CELF4: variants seen among roughly 807,000 people sequenced by gnomAD.
CELF4 encodes CUG-BP- and ETR-3-like factor 4.
CELF4 carries 18 observed loss-of-function variants against 59.9 expected under a neutral mutation model. The observed-to-expected ratio is 0.30, with a 90% CI of 0.21 to 0.45. The LOEUF is 0.45. Ranked by LOEUF, CELF4 falls within the 20% of genes least tolerant of loss-of-function variation. The pLI, the probability that CELF4 is intolerant of heterozygous loss-of-function variation, is 1.00. For synonymous variants in CELF4, 261 were observed against 267.1 expected (o/e 0.98, Z 0.22); for missense variants, 456 against 689.0 (o/e 0.66, Z 3.79).
chr18:37,476,526 C>T (rs180849072), intron 2 of CELF4, among the ~76,000 whole-genome samples: 1 of 152,322 alleles, frequency 6.6e-6, no homozygotes, highest in Non-Finnish European at 1.5e-5. Context: ...CAGCCGTTTT[C>T]ATGAGGAATT....
chr18:37,274,187 G>T, intron 6 of CELF4, 124 bp downstream of exon 6: 1 of 1,509,470 alleles, frequency 6.6e-7, no homozygotes. Flanking sequence ...TTCATTCCCG[G>T]CCCCTCCTCA....
intron 1 of CELF4, among the ~76,000 whole-genome samples, chr18:37,518,951 G>A (rs1035716171): frequency 8.5e-5 from 13 of 152,212 alleles, no homozygotes; most frequent in African/African-American, 3.1e-4. Flanking sequence ...GGTACAGGGG[G>A]TTGTCCAAGC....
chr18:37,420,623 T>C (rs985130955), intron 2 of CELF4, among the ~76,000 whole-genome samples: 1 of 152,160 alleles, frequency 6.6e-6, no homozygotes, highest in African/African-American at 2.4e-5. Context: ...GTGCAGGTGC[T>C]TGCAGGATAG....
At chr18:37,531,443 AC>A (rs2099969526) in intron 1 of CELF4, among the ~76,000 whole-genome samples, 1 of 152,128 alleles carries the variant, frequency 6.6e-6, no homozygotes, top group Non-Finnish European at 1.5e-5. Flanking sequence ...CACGGGGAAA[AC>A]AAAAATAGCA....
At chr18:37,292,135 T>C (rs930162785) in intron 3 of CELF4, among the ~76,000 whole-genome samples, 2 of 151,838 alleles carry the variant, frequency 1.3e-5, no homozygotes, top group Non-Finnish European at 2.9e-5. Context: ...GCTGGCATCT[T>C]AATCTTGGAC....
At chr18:37,526,057 A>T (rs534777987) in intron 1 of CELF4, among the ~76,000 whole-genome samples, 49 of 152,288 alleles carry the variant, frequency 3.2e-4, no homozygotes, top group African/African-American at 1.2e-3. Context: ...CACTGACCTC[A>T]ATTATCCCTG....
intron 2 of CELF4, among the ~76,000 whole-genome samples, 185 bp downstream of exon 2, chr18:37,485,340 C>G (rs1303918296): frequency 6.6e-6 from 1 of 151,748 alleles, no homozygotes; most frequent in Non-Finnish European, 1.5e-5. Flanking sequence ...GGCCCCTGTC[C>G]CGGATCCCGT....
At chr18:37,532,216 C>T (rs112717013) in intron 1 of CELF4, among the ~76,000 whole-genome samples, 2 of 152,338 alleles carry the variant, frequency 1.3e-5, no homozygotes, top group African/African-American at 4.8e-5. Flanking sequence ...AGGCCAAGAT[C>T]GAAGGACACC....
rs531326217 is a variant in CELF4, at chr18:37,289,186, C to T, written c.449-13943G>A. On this transcript the variant is annotated intron_variant, in intron 3 of 12. Transcript: ENST00000420428. ...ATCGTGGGGTGAGAAGGGATGGGGG[C>T]TGGCAGAGGGGGCAGTACACGGTGG... Among the ~76,000 whole-genome samples, 24 of 151,490 alleles carry T rather than the reference C, an allele frequency of 1.6e-4. No individual in the cohort carries two copies. In the East Asian group the frequency reaches 4.5e-3, roughly 28 times the overall value.
chr18:37,364,139 C>T (rs376195599), intron 2 of CELF4, among the ~76,000 whole-genome samples: 53 of 152,316 alleles, frequency 3.5e-4, no homozygotes, highest in South Asian at 8.3e-4. Context: ...CAATGAGGCA[C>T]GATGGGAGCT....
At position 37,503,001 on chromosome 18, in the gene CELF4, G is replaced by A. The variant is rs147348566; in HGVS notation, c.287-17394C>T. Among the ~76,000 whole-genome samples the A allele has an allele frequency of 2.0e-4, 31 of 152,312 alleles. No homozygotes were observed. The East Asian group carries it at 2.3e-3, about 11-fold the overall frequency. On this transcript the variant is annotated intron_variant, in intron 1 of 12. Coordinates refer to ENST00000420428, the MANE Select transcript of CELF4 (RefSeq NM_020180.4). Reference sequence around the variant, plus strand: ...GGACAGAGCCTCACAGTACCAGGTCGGGTGGGTGCATCATCACACATCTGT... The same window carrying A: ...GGACAGAGCCTCACAGTACCAGGTCAGGTGGGTGCATCATCACACATCTGT...
intron 3 of CELF4, among the ~76,000 whole-genome samples, chr18:37,283,471 G>A (rs1232747238): frequency 6.6e-6 from 1 of 152,128 alleles, no homozygotes; most frequent in Non-Finnish European, 1.5e-5. Flanking sequence ...CCATGAATGA[G>A]ATGTCCATGT....
chr18:37,333,344 C>G (rs905591765), intron 2 of CELF4, among the ~76,000 whole-genome samples: 5 of 148,954 alleles, frequency 3.4e-5, no homozygotes, highest in African/African-American at 1.2e-4. Flanking sequence ...TCCCTCCTCT[C>G]CCCCCTCTCC....
At chr18:37,386,496 G>T (rs1425454078) in intron 2 of CELF4, among the ~76,000 whole-genome samples, 1 of 152,194 alleles carries the variant, frequency 6.6e-6, no homozygotes, top group Admixed American at 6.5e-5. Flanking sequence ...AATGAGGAGA[G>T]TGAGGCGGAG....
intron 2 of CELF4, among the ~76,000 whole-genome samples, chr18:37,405,527 A>G (rs951464073): frequency 5.9e-5 from 9 of 152,280 alleles, no homozygotes; most frequent in Non-Finnish European, 1.2e-4. Context: ...GAACTAGCAG[A>G]GAGATGTGTA....
At position 37,274,235 on chromosome 18, in the gene CELF4, C is replaced by T. The variant is rs1027247647; in HGVS notation, c.801+76G>A. The T allele has an allele frequency of 3.3e-5, 52 of 1,583,206 alleles. No individual in the cohort carries two copies. In the African/African-American group the frequency reaches 6.9e-4, roughly 21 times the overall value. On this transcript the variant is annotated intron_variant, in intron 6 of 12. Transcript: ENST00000420428. ...AGGGCAAGGGATAGAGTAGTATTTT[C>T]GGTTTCATGTCCCGCTCTCTGAGGC... is the stretch of plus-strand genomic sequence containing the variant.
intron 2 of CELF4, among the ~76,000 whole-genome samples, chr18:37,351,339 T>A (rs1043972771): frequency 6.6e-6 from 1 of 152,184 alleles, no homozygotes; most frequent in African/African-American, 2.4e-5. Flanking sequence ...ACACATTATG[T>A]ACATGTGGCC....
rs932005215 is a variant in CELF4, at chr18:37,254,656, T to C, written c.1334-718A>G. On this transcript the variant is annotated intron_variant, in intron 11 of 12. Transcript: ENST00000420428. The surrounding 1 kb of genome is among the most constrained non-coding windows in gnomAD (Gnocchi z 5.1). ...TGGACTAAGCACGCACCAGCTGATA[T>C]GTCCATAACAAGTCACAAGACCATC... Among the ~76,000 whole-genome samples, 2 of 152,210 alleles carry C rather than the reference T, an allele frequency of 1.3e-5. No individual in the cohort carries two copies. The highest frequency in any genetic ancestry group is 4.8e-5 in the African/African-American group (2 of 41,454).
chr18:37,343,492 C>A (rs976608628), intron 2 of CELF4, among the ~76,000 whole-genome samples: 1 of 151,964 alleles, frequency 6.6e-6, no homozygotes, highest in Non-Finnish European at 1.5e-5. Flanking sequence ...CAGCCGGGTG[C>A]AGTCTAAGGG....
Sources: allele counts gnomAD v4.1 joint callset (sites outside exome capture counted in the v4.1 genomes callset), GRCh38; gene constraint gnomAD v4.1.1; non-coding constraint Gnocchi (gnomAD v3.1); transcripts MANE v1.5; gene names NCBI Gene and HGNC (gene_info 2026-07-23, HGNC 2026-07-21).